Variants in CCDC197 observed in about 807,000 individuals in gnomAD.
CCDC197 encodes the protein uncharacterized protein CCDC197.
In CCDC197, 24 loss-of-function variants were observed where a neutral mutation model predicts 13.4. The ratio of observed to expected loss-of-function variants is 1.80; its 90% CI spans 1.30 to 2.53. The LOEUF (loss-of-function observed/expected upper bound fraction) is 2.53. Ranked by LOEUF, CCDC197 falls within the 30% of genes most tolerant of loss-of-function variation. The pLI, the probability that CCDC197 is intolerant of heterozygous loss-of-function variation, is 0.00. For synonymous variants in CCDC197, 99 were observed against 55.5 expected (o/e 1.78, Z -3.48); for missense variants, 255 against 148.8 (o/e 1.71, Z -3.71).
At chr14:93,994,537 G>T (rs1890252553), upstream of CCDC197, among the ~76,000 whole-genome samples, 2 of 152,214 alleles carry the variant, frequency 1.3e-5, no homozygotes, top group Admixed American at 6.5e-5. Context: ...CTGGGTGGGA[G>T]AAACGGCTCC....
In CCDC197 at chr14:94,003,459, A is replaced by G; in HGVS notation, c.498+105A>G. The G allele has an allele frequency of 1.6e-6, 1 of 643,866 alleles. No homozygotes were observed. Among genetic ancestry groups the G allele is most frequent in the Non-Finnish European group, 2.8e-6 (1 of 352,444 alleles). The allele number at this position is 643,866 out of a possible 1,614,324, so 39.9% of individuals were successfully genotyped here. A position where few individuals can be genotyped will look rare whatever the true frequency, so the allele number is the denominator to read the frequency against. On this transcript the variant is annotated intron_variant, in intron 5 of 6. Transcript: ENST00000636493. The surrounding 1 kb of genome is among the most constrained non-coding windows in gnomAD (Gnocchi z 5.0). ...CACACAGACACATACGCACGCAGAC[A>G]CACACACACAGAGCCAGACACATAG...
At chr14:94,006,326 A>C (rs4905140) in intron 6 of CCDC197, among the ~76,000 whole-genome samples, 151,661 of 152,194 alleles carry the variant, frequency 1, 75,567 homozygotes, top group East Asian at 1. Flanking sequence ...TATTCAAATT[A>C]TTTGCCCATT....
At chr14:94,004,486 T>C (rs959815530) in intron 5 of CCDC197, among the ~76,000 whole-genome samples, 1 of 152,096 alleles carries the variant, frequency 6.6e-6, no homozygotes, top group African/African-American at 2.4e-5. Flanking sequence ...CAGAGCCCCT[T>C]TGAGGTCTCT....
chr14:93,996,308 C>T (rs1890302255), upstream of CCDC197, among the ~76,000 whole-genome samples: 1 of 148,558 alleles, frequency 6.7e-6, no homozygotes, highest in Non-Finnish European at 1.5e-5. Context: ...GGAGAGGCAG[C>T]CCTGGGCACC....
upstream of CCDC197, among the ~76,000 whole-genome samples, chr14:93,995,444 A>G (rs1890264333): frequency 6.6e-6 from 1 of 152,304 alleles, no homozygotes; most frequent in Non-Finnish European, 1.5e-5. Flanking sequence ...GATGCAGCCC[A>G]GTTGTCCCTG....
intron 1 of CCDC197, among the ~76,000 whole-genome samples, chr14:93,990,675 T>C (rs1567039700): frequency 6.6e-6 from 1 of 152,082 alleles, no homozygotes; most frequent in South Asian, 2.1e-4. Context: ...CAGATTGGGG[T>C]GCACATTGGG....
downstream of CCDC197, among the ~76,000 whole-genome samples, chr14:94,011,106 T>A (rs1351144632): frequency 6.6e-6 from 1 of 152,152 alleles, no homozygotes; most frequent in East Asian, 1.9e-4. Context: ...AACCACCAAC[T>A]ACCCCTGCCT....
chr14:93,990,744 C>G (rs906135481), intron 1 of CCDC197, among the ~76,000 whole-genome samples: 1 of 152,166 alleles, frequency 6.6e-6, no homozygotes, highest in Non-Finnish European at 1.5e-5. Context: ...CAGGAGAGGC[C>G]TGGCCTTTGG....
At chr14:93,996,122 C>G (rs1162213560), upstream of CCDC197, among the ~76,000 whole-genome samples, 1 of 152,168 alleles carries the variant, frequency 6.6e-6, no homozygotes, top group Non-Finnish European at 1.5e-5. Context: ...CCTCCTTGAA[C>G]TGGGCTGACT....
chr14:93,994,440 C>T (rs974763739), upstream of CCDC197, among the ~76,000 whole-genome samples: 8 of 152,102 alleles, frequency 5.3e-5, no homozygotes, highest in South Asian at 2.1e-4. Context: ...GAGAATGAAA[C>T]GAGAGACTCC....
Position 94,002,940 on chromosome 14 carries a change from G to A in CCDC197, c.367-283G>A, listed in dbSNP as rs1368611863. 2.6e-5 allele frequency among the ~76,000 whole-genome samples: 4 copies of A among 152,168 alleles called. No homozygotes were observed. The East Asian group carries it at 7.7e-4, about 29-fold the overall frequency. On this transcript the variant is annotated intron_variant, in intron 4 of 6. Transcript: ENST00000636493. The stretch of plus-strand genomic sequence containing the variant: ...GCTCGGGTGACCTGACAATCATGGT[G>A]GAAGGTGAAGGAGGAGCAAAGGCAC...
In CCDC197 at chr14:94,004,965, G is replaced by A. The variant is rs1353810562; in HGVS notation, c.609G>A (p.Leu203=). The A allele has an allele frequency of 1.4e-6, 1 of 702,624 alleles. No homozygotes were observed. The allele number at this position is 702,624 out of a possible 1,614,324, so 43.5% of individuals were successfully genotyped here. A position where few individuals can be genotyped will look rare whatever the true frequency, so the allele number is the denominator to read the frequency against. The change falls in exon 6 of 7, where the codon CTG becomes CTA. Residue 203 remains leucine, a synonymous_variant. Transcript: ENST00000636493. ...KSMDLFSKLD[L]IKEFMLDKME... ...TGGATCTCTTCTCCAAGCTCGATCTGATTAAGGTAAGGATAGACAGATGGC... is the reference window on the plus strand; with the variant it reads ...TGGATCTCTTCTCCAAGCTCGATCTAATTAAGGTAAGGATAGACAGATGGC...
chr14:94,008,927 G>A, downstream of CCDC197: 2 of 610,016 alleles, frequency 3.3e-6, no homozygotes, highest in South Asian at 3.8e-5. Flanking sequence ...GCATTGAGGG[G>A]GTGGTCAGGG....
Position 94,001,002 on chromosome 14 carries a change from T to G in CCDC197, c.188-143T>G, listed in dbSNP as rs545379935. 3.8e-5 allele frequency: 20 copies of G among 529,038 alleles called. No individual in the cohort carries two copies. The South Asian group carries it at 5.1e-4, about 13-fold the overall frequency. The allele number at this position is 529,038 out of a possible 1,614,324, so 32.8% of individuals were successfully genotyped here. The stretch of plus-strand genomic sequence containing the variant: ...GGTGTGGATGGCAAGCCCGGGACCA[T>G]CCTACTGTCTGGGGTCATCCTACTG... On this transcript the variant is annotated intron_variant, in intron 3 of 6. Coordinates refer to ENST00000636493, the MANE Select transcript of CCDC197 (RefSeq NM_001351596.2).
At chr14:93,998,299 T>A (rs2141351974) in intron 2 of CCDC197, 64 bp downstream of exon 2, 1 of 741,602 alleles carries the variant, frequency 1.3e-6, no homozygotes, top group African/African-American at 1.7e-5. Context: ...GCTAAGTGGC[T>A]GGACTTAGCA....
At position 94,008,628 on chromosome 14, in the gene CCDC197, T is replaced by C. The variant is rs1032306640; in HGVS notation, c.635T>C (p.Met212Thr). 1.4e-6 allele frequency: 1 copy of C among 702,534 alleles called. No homozygotes were observed. Among genetic ancestry groups the C allele is most frequent in the African/African-American group, 1.7e-5 (1 of 57,358 alleles). The allele number at this position is 702,534 out of a possible 1,614,324, so 43.5% of individuals were successfully genotyped here. Residue 212 changes from methionine (M) to threonine (T), a missense_variant, in exon 7 of 7, where the codon ATG becomes ACG. Physicochemically the swap from Met to Thr is moderately conservative, Grantham distance 81 (BLOSUM62 -1). Transcript: ENST00000636493. ...TCCCAGGAGTTCATGTTGGACAAAA[T>C]GGAGACTGTAAGACTGATCGCACTG... The part of the protein sequence containing the change: ...DLIKEFMLDK[M>T]ETVRLIALLT...
At chr14:93,993,981 T>A (rs570900272), upstream of CCDC197, among the ~76,000 whole-genome samples, 1 of 152,224 alleles carries the variant, frequency 6.6e-6, no homozygotes, top group East Asian at 1.9e-4. Context: ...TCCATGTAAG[T>A]GCTTGAGTCT....
intron 1 of CCDC197, among the ~76,000 whole-genome samples, chr14:93,989,677 C>T (rs12432478): frequency 3.9e-5 from 6 of 152,130 alleles, no homozygotes; most frequent in African/African-American, 1.4e-4. Context: ...AAGATCAAAA[C>T]CCAAGATCAA....
downstream of CCDC197, among the ~76,000 whole-genome samples, chr14:94,010,480 A>G (rs1045766675): frequency 6.6e-6 from 1 of 152,244 alleles, no homozygotes; most frequent in African/African-American, 2.4e-5. Context: ...CTGGGATTAC[A>G]GGCATGAGCC....
Sources: gnomAD v4.1 joint callset for allele counts (sites outside exome capture counted in the v4.1 genomes callset) on GRCh38, gnomAD v4.1.1 for gene constraint, Gnocchi (gnomAD v3.1) non-coding constraint, MANE v1.5 for transcripts, NCBI Gene and HGNC (gene_info 2026-07-23, HGNC 2026-07-21) for gene names.